Variants in GRHL3 observed in about 807,000 individuals in gnomAD.
GRHL3 encodes the protein grainyhead like transcription factor 3.
A neutral mutation model predicts 70.3 loss-of-function variants in GRHL3; 20 were observed. The observed-to-expected ratio is 0.28, with a 90% CI of 0.20 to 0.41. The LOEUF (loss-of-function observed/expected upper bound fraction) is 0.41, where lower values mean the gene tolerates loss of function less well. Among genes scored for constraint, GRHL3 ranks in the 10% least tolerant of loss-of-function variants. GRHL3 has a pLI of 1.00. For missense variants in GRHL3, 637 were observed against 762.3 expected, an observed-to-expected ratio of 0.84 and a Z score of 1.94; for synonymous variants, 299 against 299.9, an observed-to-expected ratio of 1.00 and a Z score of 0.03.
intron 4 of GRHL3, 88 bp from the exon 5 acceptor site, chr1:24,336,990 C>T: frequency 1.5e-6 from 2 of 1,344,600 alleles, no homozygotes; most frequent in Non-Finnish European, 1.1e-6. Flanking sequence ...CACTGTACAA[C>T]CTGCATAGCT....
chr1:24,319,697 C>G, intron 1 of GRHL3, 129 bp downstream of exon 1: 2 of 1,595,560 alleles, frequency 1.3e-6, no homozygotes, highest in Non-Finnish European at 8.5e-7. Context: ...AATGAATGGG[C>G]TGACGATCTT....
At chr1:24,355,815 A>G (rs1385568037), downstream of GRHL3, among the ~76,000 whole-genome samples, 2 of 152,232 alleles carry the variant, frequency 1.3e-5, no homozygotes, top group Non-Finnish European at 2.9e-5. Flanking sequence ...TGACAGTCAG[A>G]AATTGACAAA....
At chr1:24,326,702 A>G (rs1250816250) in intron 1 of GRHL3, among the ~76,000 whole-genome samples, 1 of 152,134 alleles carries the variant, frequency 6.6e-6, no homozygotes, top group Non-Finnish European at 1.5e-5. Context: ...GATGCCACCC[A>G]GGTTTATTGC....
Position 24,354,289 on chromosome 1 carries a change from T to A in GRHL3, c.1695-85T>A, listed in dbSNP as rs922257836. The A allele has an allele frequency of 6.9e-6, 6 of 871,044 alleles. No homozygotes were observed. The East Asian group carries it at 1.6e-4, about 23-fold the overall frequency. 54.0% of individuals were successfully genotyped at this position (871,044 alleles called of 1,614,324 possible). On this transcript the variant is annotated intron_variant, in intron 15 of 15. Transcript: ENST00000361548. ...AAATGTGGCAGGTACCCACTGGGTA[T>A]GACCCATCACTCATCCTGGTCACTC...
At chr1:24,358,628 G>A, downstream of GRHL3, 1 of 1,606,640 alleles carries the variant, frequency 6.2e-7, no homozygotes, top group Non-Finnish European at 8.5e-7. Flanking sequence ...AGCTGTGAGG[G>A]GACAGAGAGG....
At chr1:24,362,000 G>A (rs1047858151) in intron 15 of GRHL3, among the ~76,000 whole-genome samples, 4 of 152,138 alleles carry the variant, frequency 2.6e-5, no homozygotes, top group African/African-American at 9.7e-5. Flanking sequence ...TAGAAGGGCC[G>A]CCTCCTTCTG....
chr1:24,357,318 C>T (rs1182091800), downstream of GRHL3: 1 of 152,248 alleles, frequency 6.6e-6, no homozygotes, highest in East Asian at 1.9e-4. Context: ...TCCAGGTGCT[C>T]TGCGTGTACA....
intron 8 of GRHL3, among the ~76,000 whole-genome samples, chr1:24,340,724 G>C (rs1216002927): frequency 1.3e-5 from 2 of 152,192 alleles, no homozygotes; most frequent in Non-Finnish European, 2.9e-5. Context: ...GGATGGCCAG[G>C]CTGCCTGGAG....
chr1:24,358,337 G>C, downstream of GRHL3: 1 of 692,950 alleles, frequency 1.4e-6, no homozygotes, highest in Non-Finnish European at 2.6e-6. Context: ...TGTGGGGCTG[G>C]GGTGAAGTCT....
chr1:24,348,463 C>T (rs182798882), intron 14 of GRHL3, among the ~76,000 whole-genome samples: 133 of 152,312 alleles, frequency 8.7e-4, no homozygotes, highest in African/African-American at 2.9e-3. Context: ...CAGCCCTGCT[C>T]GGCATCAGCC....
At chr1:24,360,788 C>G (rs1641053347) in intron 15 of GRHL3, 2 of 1,458,368 alleles carry the variant, frequency 1.4e-6, no homozygotes, top group East Asian at 2.3e-5. Context: ...ATTTGATGAC[C>G]CAAGAATGAC....
chr1:24,323,100 C>A (rs1403345263), intron 1 of GRHL3: 4 of 1,541,630 alleles, frequency 2.6e-6, no homozygotes, highest in Non-Finnish European at 3.5e-6. Context: ...GGATGAATTC[C>A]ATTCTTCCTA....
chr1:24,327,331 G>A (rs1639434169), intron 1 of GRHL3, among the ~76,000 whole-genome samples: 1 of 152,170 alleles, frequency 6.6e-6, no homozygotes, highest in African/African-American at 2.4e-5. Context: ...TAAGTTCCAT[G>A]GAAGCAGAGT....
chr1:24,348,089 G>A (rs1361381874), intron 14 of GRHL3, among the ~76,000 whole-genome samples: 3 of 152,172 alleles, frequency 2.0e-5, no homozygotes, highest in Non-Finnish European at 4.4e-5. Context: ...CAAAAACTAA[G>A]CAAACACAGC....
chr1:24,325,547 A>G (rs547377334), intron 1 of GRHL3, among the ~76,000 whole-genome samples: 3 of 152,228 alleles, frequency 2.0e-5, no homozygotes. Flanking sequence ...GCCAGAAAGC[A>G]GTGGGCATTT....
intron 1 of GRHL3, among the ~76,000 whole-genome samples, chr1:24,327,207 C>G (rs1442390206): frequency 6.6e-6 from 1 of 152,210 alleles, no homozygotes; most frequent in Non-Finnish European, 1.5e-5. Flanking sequence ...AAAGTAGCCA[C>G]CCCTATTGAC....
chr1:24,358,148 T>C (rs1640842493), downstream of GRHL3: 1 of 471,566 alleles, frequency 2.1e-6, no homozygotes, highest in Admixed American at 2.3e-5. Flanking sequence ...CAGGGAAGGG[T>C]GGGGCTTCCA....
Position 24,322,662 on chromosome 1 carries a change from G to T in GRHL3, c.17+3094G>T, listed in dbSNP as rs1639244372. Among the ~76,000 whole-genome samples the T allele has an allele frequency of 1.3e-5, 2 of 152,232 alleles. No homozygotes were observed. The highest frequency in any genetic ancestry group is 2.9e-5 in the Non-Finnish European group (2 of 68,040). Reference sequence around the variant, plus strand: ...GGGCAGGCTGCGCAGTCCCAGCAGTGAGTGGCCGCAGCCAGGCGGTCGGCA... The same window carrying T: ...GGGCAGGCTGCGCAGTCCCAGCAGTTAGTGGCCGCAGCCAGGCGGTCGGCA... On this transcript the variant is annotated intron_variant, in intron 1 of 15. Coordinates refer to ENST00000361548, the MANE Select transcript of GRHL3 (RefSeq NM_198173.3). This position sits in a 1 kb window ranked among gnomAD's most constrained non-coding sequence, Gnocchi z 4.4.
chr1:24,348,713 T>G (rs530069922), intron 14 of GRHL3, among the ~76,000 whole-genome samples: 24 of 152,260 alleles, frequency 1.6e-4, no homozygotes, highest in African/African-American at 5.5e-4. Flanking sequence ...GGTGAGAGAG[T>G]TCCTGAGTTC....
Sources: gnomAD v4.1 joint callset for allele counts (sites outside exome capture counted in the v4.1 genomes callset) on GRCh38, gnomAD v4.1.1 for gene constraint, Gnocchi (gnomAD v3.1) non-coding constraint, MANE v1.5 for transcripts, NCBI Gene and HGNC (gene_info 2026-07-23, HGNC 2026-07-21) for gene names.